The following REXO1 variants were observed in gnomAD, a reference collection of about 807,000 sequenced individuals.
REXO1 encodes REX1, RNA exonuclease 1 homolog.
Under a neutral mutation model 102.6 loss-of-function variants are expected in REXO1, and 42 were observed. The ratio of observed to expected loss-of-function variants is 0.41; its 90% CI spans 0.32 to 0.53. The LOEUF (loss-of-function observed/expected upper bound fraction) is 0.53. Ranked by LOEUF, REXO1 falls within the 20% of genes least tolerant of loss-of-function variation. The pLI is 0.27. For synonymous variants in REXO1, 908 were observed against 779.1 expected, an observed-to-expected ratio of 1.17 and a Z score of -2.76; for missense variants, 1,819 against 1,732.5, an observed-to-expected ratio of 1.05 and a Z score of -0.89.
chr19:1,819,870 T>C (rs1245451266), intron 7 of REXO1, 64 bp downstream of exon 7: 1 of 1,477,994 alleles, frequency 6.8e-7, no homozygotes, highest in Non-Finnish European at 9.0e-7. Context: ...CCAGCGAGGG[T>C]CCCAGCCCAG....
At position 1,827,869 on chromosome 19, in the gene REXO1, G is replaced by C. The variant is rs1036007859; in HGVS notation, c.920C>G (p.Pro307Arg). 6.2e-7 allele frequency: 1 copy of C among 1,613,596 alleles called. No homozygotes were observed. ...PGNEPTTASTPKARADPEIKA... is the reference protein window; with the variant it reads ...PGNEPTTASTRKARADPEIKA... ...GATCTCAGGGTCGGCCCTGGCTTTG[G>C]GGGTGCTGGCCGTGGTGGGCTCGTT... Residue 307 changes from proline (P) to arginine (R), a missense_variant, in exon 2 of 16, where the codon CCC becomes CGC. Physicochemically the swap from Pro to Arg is moderately radical, Grantham distance 103 (BLOSUM62 -2). Coordinates refer to ENST00000170168, the MANE Select transcript of REXO1 (RefSeq NM_020695.4).
rs375562753 is a variant in REXO1 at position 1,816,299 on chromosome 19, C to T, written c.3503G>A (p.Arg1168His). The T allele has an allele frequency of 5.4e-5, 85 of 1,588,438 alleles. 1 individual carries two copies. Among genetic ancestry groups the T allele is most frequent in the Middle Eastern group, 1.8e-4 (1 of 5,428 alleles). ...GGACCGCTTGTAGGGGAGGCCCAGG[C>T]GGTGGGGGAAGAGCACAGACGTGTC... Reference protein sequence around the residue: ...VVDTSVLFPHRLGLPYKRSLR... With the variant: ...VVDTSVLFPHHLGLPYKRSLR... The change falls in exon 15 of 16, where the codon CGC becomes CAC. Residue 1168 changes from arginine (R) to histidine (H), a missense_variant. By Grantham distance (29) the Arg-to-His change is conservative. Coordinates refer to ENST00000170168, the MANE Select transcript of REXO1 (RefSeq NM_020695.4).
chr19:1,816,614 A>C, intron 13 of REXO1, 45 bp from the exon 14 acceptor site: 1 of 908,128 alleles, frequency 1.1e-6, no homozygotes, highest in Non-Finnish European at 1.6e-6. Flanking sequence ...GCCTGGAAGC[A>C]CTGGCTGGTG....
At chr19:1,820,427 G>C (rs775094184) in intron 5 of REXO1, 32 bp from the exon 6 acceptor site, 1 of 1,609,528 alleles carries the variant, frequency 6.2e-7, no homozygotes, top group Non-Finnish European at 8.5e-7. Flanking sequence ...CCATGGGTGA[G>C]GGCCTCCACA....
intron 3 of REXO1, among the ~76,000 whole-genome samples, chr19:1,825,085 G>A (rs1431163493): frequency 6.8e-6 from 1 of 147,320 alleles, no homozygotes; most frequent in African/African-American, 2.5e-5. Flanking sequence ...GGAGGCCGAG[G>A]TAGGCAGATC....
intron 1 of REXO1, among the ~76,000 whole-genome samples, chr19:1,829,566 T>C (rs2069847201): frequency 6.6e-6 from 1 of 152,088 alleles, no homozygotes; most frequent in East Asian, 1.9e-4. Flanking sequence ...CCCAACATTT[T>C]GGGAGGCCAA....
Position 1,848,251 on chromosome 19 carries a change from G to A in REXO1, c.108C>T (p.Ala36=). The change falls in exon 1 of 16, where the codon GCC becomes GCT. Residue 36 remains alanine, a synonymous_variant. Transcript: ENST00000170168. The part of the protein sequence containing the change: ...RPYCHFRHRG[A]RGSGAPGDGG... Reference sequence around the variant, plus strand: ...CGTCACCGGGCGCGCCGGAGCCCCGGGCCCCGCGGTGCCGGAAGTGGCAGT... The same window carrying A: ...CGTCACCGGGCGCGCCGGAGCCCCGAGCCCCGCGGTGCCGGAAGTGGCAGT... 2 of 1,230,602 alleles carry A rather than the reference G, an allele frequency of 1.6e-6. No individual in the cohort carries two copies. Among genetic ancestry groups the A allele is most frequent in the Non-Finnish European group, 2.0e-6 (2 of 982,774 alleles). The allele number at this position is 1,230,602 out of a possible 1,614,324, so 76.2% of individuals were successfully genotyped here.
chr19:1,818,699 G>A lies in REXO1; in HGVS notation c.2902+7C>T, dbSNP rs10439144. The A allele has an allele frequency of 2.0e-4, 324 of 1,610,676 alleles. 4 individuals carry two copies. The African/African-American group carries it at 3.9e-3, about 19-fold the overall frequency. The stretch of plus-strand genomic sequence containing the variant: ...CCCACCTAGGCCGTCGCAGGCCAGC[G>A]ACTCACAGTCCTTGGGCCTCTTCTC... On this transcript the variant is annotated splice_region_variant and intron_variant, in intron 9 of 15. Coordinates refer to ENST00000170168, the MANE Select transcript of REXO1 (RefSeq NM_020695.4).
intron 1 of REXO1, among the ~76,000 whole-genome samples, chr19:1,842,985 G>A (rs1568719826): frequency 6.6e-6 from 1 of 152,204 alleles, no homozygotes; most frequent in African/African-American, 2.4e-5. Context: ...GCATCTGCAA[G>A]AAGGCGGCTG....
chr19:1,826,762 GC>G lies in REXO1; in HGVS notation c.1911+115del. The stretch of plus-strand genomic sequence containing the variant: ...CGGGCTCAGGGACCAGCACTGAGGA[GC>G]TGCCTCCACCCCGTGCCTCCGAGCC... On this transcript the variant is annotated intron_variant, in intron 2 of 15. Coordinates refer to ENST00000170168, the MANE Select transcript of REXO1 (RefSeq NM_020695.4). The surrounding 1 kb of genome is among the most constrained non-coding windows in gnomAD (Gnocchi z 4.3). The G allele has an allele frequency of 6.8e-7, 1 of 1,476,166 alleles. No homozygotes were observed. The highest frequency in any genetic ancestry group is 9.0e-7 in the Non-Finnish European group (1 of 1,115,166). 91.4% of individuals were successfully genotyped at this position (1,476,166 alleles called of 1,614,324 possible).
Position 1,815,644 on chromosome 19 carries a change from A to G in REXO1, c.*422T>C, listed in dbSNP as rs1339084822. 10 of 1,170,026 alleles carry G rather than the reference A, an allele frequency of 8.5e-6. No homozygotes were observed. The African/African-American group carries it at 1.4e-4, about 17-fold the overall frequency. 72.5% of individuals were successfully genotyped at this position (1,170,026 alleles called of 1,614,324 possible). ...AAGTCATCAGGTTTAAATTAAAAAT[A>G]ATAAAAATAACAATACAAAATAAAA... On this transcript the variant is annotated 3_prime_UTR_variant, in exon 16 of 16. Coordinates refer to ENST00000170168, the MANE Select transcript of REXO1 (RefSeq NM_020695.4). This position sits in a 1 kb window ranked among gnomAD's most constrained non-coding sequence, Gnocchi z 4.0.
chr19:1,831,294 C>T (rs897367285), intron 1 of REXO1, among the ~76,000 whole-genome samples: 1 of 152,256 alleles, frequency 6.6e-6, no homozygotes, highest in Non-Finnish European at 1.5e-5. Context: ...TCTGACTGAA[C>T]GTGCAGCTTG....
chr19:1,832,361 C>T (rs1253442428), intron 1 of REXO1, among the ~76,000 whole-genome samples: 1 of 152,210 alleles, frequency 6.6e-6, no homozygotes, highest in African/African-American at 2.4e-5. Flanking sequence ...GGGACGAATG[C>T]AGCCTCACCG....
At chr19:1,838,227 G>A (rs549706483) in intron 1 of REXO1, among the ~76,000 whole-genome samples, 2 of 151,190 alleles carry the variant, frequency 1.3e-5, no homozygotes, top group African/African-American at 4.9e-5. Flanking sequence ...TGAGGCAGGA[G>A]AATTGCTTGA....
intron 1 of REXO1, among the ~76,000 whole-genome samples, chr19:1,843,891 T>A (rs143468490): frequency 1.3e-5 from 2 of 152,220 alleles, no homozygotes; most frequent in South Asian, 4.1e-4. Context: ...CTGACCCTCC[T>A]GAGAGGCCAG....
At chr19:1,825,502 G>A (rs1312216258) in intron 3 of REXO1, among the ~76,000 whole-genome samples, 1 of 150,316 alleles carries the variant, frequency 6.7e-6, no homozygotes, top group African/African-American at 2.4e-5. Flanking sequence ...TTGAGACAGA[G>A]TCTTGCTCTA....
chr19:1,821,725 CCAT>C, intron 4 of REXO1, 43 bp from the exon 5 acceptor site: 1 of 1,567,734 alleles, frequency 6.4e-7, no homozygotes, highest in Non-Finnish European at 8.6e-7. Flanking sequence ...GAGTGGCTGC[CCAT>C]CACCACGTGG....
intron 3 of REXO1, 93 bp from the exon 4 acceptor site, chr19:1,823,878 C>A (rs933145750): frequency 1.9e-6 from 1 of 517,616 alleles, no homozygotes; most frequent in East Asian, 3.5e-5. Context: ...GGCTGGAGCT[C>A]GGGGGCCGGA....
chr19:1,841,761 G>A (rs1391184827), intron 1 of REXO1, among the ~76,000 whole-genome samples: 4 of 152,218 alleles, frequency 2.6e-5, no homozygotes, highest in Admixed American at 6.5e-5. Flanking sequence ...AAGAGTCCCC[G>A]GAACCCCTCC....
Sources: allele counts gnomAD v4.1 joint callset (sites outside exome capture counted in the v4.1 genomes callset), GRCh38; gene constraint gnomAD v4.1.1; non-coding constraint Gnocchi (gnomAD v3.1); transcripts MANE v1.5; gene names NCBI Gene and HGNC (gene_info 2026-07-23, HGNC 2026-07-21).